The following HLCS variants were observed in gnomAD, a reference collection of about 807,000 sequenced individuals.
HLCS encodes biotin--protein ligase.
A neutral mutation model predicts 75.0 loss-of-function variants in HLCS; 53 were observed. That is an observed-to-expected ratio of 0.71 (90% CI 0.57 to 0.89). The LOEUF is 0.89. HLCS is among the 40% of genes least tolerant of loss of function. The pLI, the probability that HLCS is intolerant of heterozygous loss-of-function variation, is 0.00. For missense variants in HLCS, 966 were observed against 1,074.0 expected (o/e 0.90, Z 1.41); for synonymous variants, 431 against 428.6 (o/e 1.01, Z -0.07).
intron 1 of HLCS, among the ~76,000 whole-genome samples, chr21:36,983,710 A>G (rs976575691): frequency 1.3e-5 from 2 of 151,434 alleles, no homozygotes; most frequent in Non-Finnish European, 2.9e-5. Flanking sequence ...GGTGGCGGGC[A>G]CCTGTAGTCC....
intron 5 of HLCS, among the ~76,000 whole-genome samples, chr21:36,898,964 G>A (rs779958562): frequency 3.9e-5 from 6 of 152,128 alleles, no homozygotes; most frequent in South Asian, 2.1e-4. Context: ...AGGTGGCAGC[G>A]GTGGAAAGAT....
intron 2 of HLCS, among the ~76,000 whole-genome samples, chr21:36,960,107 C>T (rs2068200932): frequency 1.3e-5 from 2 of 149,938 alleles, no homozygotes; most frequent in South Asian, 4.3e-4. Flanking sequence ...CCTGGTCCAG[C>T]CACAGCCTTG....
chr21:36,889,995 T>G (rs542737385), intron 6 of HLCS, among the ~76,000 whole-genome samples: 1 of 151,914 alleles, frequency 6.6e-6, no homozygotes, highest in African/African-American at 2.4e-5. Context: ...ATCATGGGGG[T>G]TGTTTCTCCC....
At chr21:36,900,468 G>C (rs2065191131) in intron 5 of HLCS, among the ~76,000 whole-genome samples, 2 of 152,190 alleles carry the variant, frequency 1.3e-5, no homozygotes, top group South Asian at 2.1e-4. Context: ...AAAGGCAGAG[G>C]GGGTGGTGAG....
chr21:36,972,077 C>T (rs542998038), intron 1 of HLCS: 16 of 152,162 alleles, frequency 1.1e-4, no homozygotes, highest in African/African-American at 3.6e-4. Context: ...CACAGAGTCG[C>T]GGGAGAGAAC....
chr21:36,752,648 TG>T lies in HLCS; in HGVS notation c.*1597del, dbSNP rs2089413088. 1 of 149,346 alleles carries T rather than the reference TG, an allele frequency of 6.7e-6. No homozygotes were observed. Among genetic ancestry groups the T allele is most frequent in the African/African-American group, 2.6e-5 (1 of 38,364 alleles). 9.3% of individuals were successfully genotyped at this position (149,346 alleles called of 1,614,324 possible). A position where few individuals can be genotyped will look rare whatever the true frequency, so the allele number is the denominator to read the frequency against. Reference sequence around the variant, plus strand: ...GAAGAGTGGTTTTTTTTGTGTTTTTTGTTTGTTTGTTTTTTGAGAAAAATAA... The same window carrying T: ...GAAGAGTGGTTTTTTTTGTGTTTTTTTTTGTTTGTTTTTTGAGAAAAATAA... On this transcript the variant is annotated 3_prime_UTR_variant, in exon 11 of 11. Transcript: ENST00000674895.
intron 2 of HLCS, among the ~76,000 whole-genome samples, chr21:36,948,468 C>G (rs2067513778): frequency 6.6e-6 from 1 of 151,900 alleles, no homozygotes; most frequent in South Asian, 2.1e-4. Flanking sequence ...GTGGCTCATG[C>G]CTGTAATCCC....
intron 6 of HLCS, among the ~76,000 whole-genome samples, chr21:36,773,532 C>T (rs781376585): frequency 2.6e-5 from 4 of 152,234 alleles, no homozygotes; most frequent in African/African-American, 4.8e-5. Context: ...GAGGCGACCT[C>T]GAAGTCTCCC....
At chr21:36,824,835 T>C (rs2061956982) in intron 6 of HLCS, among the ~76,000 whole-genome samples, 1 of 152,146 alleles carries the variant, frequency 6.6e-6, no homozygotes, top group Non-Finnish European at 1.5e-5. Context: ...CACATTTCCC[T>C]CCTTTTCCCA....
chr21:36,843,275 C>T (rs1240176147), intron 6 of HLCS, among the ~76,000 whole-genome samples: 1 of 151,810 alleles, frequency 6.6e-6, no homozygotes, highest in African/African-American at 2.4e-5. Context: ...CCTGTCTCCA[C>T]AAAAAATAAA....
At chr21:36,759,487 A>C (rs1367360371) in intron 9 of HLCS, among the ~76,000 whole-genome samples, 1 of 152,216 alleles carries the variant, frequency 6.6e-6, no homozygotes, top group Non-Finnish European at 1.5e-5. Context: ...AGGATGTAGG[A>C]ACATACCTGT....
At chr21:36,957,144 A>G (rs927289845) in intron 2 of HLCS, among the ~76,000 whole-genome samples, 1 of 151,686 alleles carries the variant, frequency 6.6e-6, no homozygotes, top group Non-Finnish European at 1.5e-5. Context: ...TGTAATCCCC[A>G]GTGGTTGAGG....
rs1025566262 is a variant in HLCS, at chr21:36,951,007, T to C, written c.330+11029A>G. Among the ~76,000 whole-genome samples, 27 of 152,330 alleles carry C rather than the reference T, an allele frequency of 1.8e-4. 2 individuals carry two copies. The South Asian group carries it at 5.6e-3, about 32-fold the overall frequency. ...GAGACAGGACTCCATGTATGAACAT[T>C]GCATGGCCCAGGATTCAGGTTGTGC... is the stretch of plus-strand genomic sequence containing the variant. On this transcript the variant is annotated intron_variant, in intron 2 of 10. Coordinates refer to ENST00000674895, the MANE Select transcript of HLCS (RefSeq NM_001352514.2).
intron 5 of HLCS, among the ~76,000 whole-genome samples, chr21:36,917,388 G>A (rs2146430952): frequency 6.6e-6 from 1 of 152,308 alleles, no homozygotes; most frequent in South Asian, 2.1e-4. Flanking sequence ...TCCTCATGGA[G>A]CCATCCCTCC....
rs2089385911 is a variant in HLCS at position 36,751,983 on chromosome 21, G to A, written c.*2263C>T. On this transcript the variant is annotated 3_prime_UTR_variant, in exon 11 of 11. Coordinates refer to ENST00000674895, the MANE Select transcript of HLCS (RefSeq NM_001352514.2). ...GCTCCTTGAGATCCCAGGTTGCGGG[G>A]TGCATAAATGGCCCAAATCGGAGAG... is the stretch of plus-strand genomic sequence containing the variant. 1 of 152,554 alleles carries A rather than the reference G, an allele frequency of 6.6e-6. No individual in the cohort carries two copies. The highest frequency in any genetic ancestry group is 2.4e-5 in the African/African-American group (1 of 41,414). 9.5% of individuals were successfully genotyped at this position (152,554 alleles called of 1,614,324 possible).
rs557595721 is a variant in HLCS at position 36,819,582 on chromosome 21, TC to T, written c.1893-52298del. ...TAATCAAGCTATGATACGGACAGTA[TC>T]ATTTACGGAAAGCTTCTAATACAGC... On this transcript the variant is annotated intron_variant, in intron 6 of 10. Transcript: ENST00000674895. Among the ~76,000 whole-genome samples, 11 of 152,298 alleles carry T rather than the reference TC, an allele frequency of 7.2e-5. No individual in the cohort carries two copies. The South Asian group carries it at 2.1e-3, about 29-fold the overall frequency.
At chr21:36,906,839 C>T (rs2146378174) in intron 5 of HLCS, among the ~76,000 whole-genome samples, 1 of 152,242 alleles carries the variant, frequency 6.6e-6, no homozygotes, top group Non-Finnish European at 1.5e-5. Flanking sequence ...GGTATTGGCA[C>T]ACAGAGATAG....
At chr21:36,755,643 G>A (rs1402471862) in intron 10 of HLCS, among the ~76,000 whole-genome samples, 1 of 152,158 alleles carries the variant, frequency 6.6e-6, no homozygotes, top group Non-Finnish European at 1.5e-5. Context: ...TAGATGTCAT[G>A]CCTCTTTCGT....
chr21:36,772,810 T>C (rs997726645), intron 6 of HLCS, among the ~76,000 whole-genome samples: 6 of 151,920 alleles, frequency 3.9e-5, no homozygotes, highest in African/African-American at 1.2e-4. Context: ...GAGTGAAACC[T>C]GTCTCACTAA....
Sources: allele counts gnomAD v4.1 joint callset (sites outside exome capture counted in the v4.1 genomes callset), GRCh38; gene constraint gnomAD v4.1.1; transcripts MANE v1.5; gene names NCBI Gene and HGNC (gene_info 2026-07-23, HGNC 2026-07-21).